The following ARHGAP24 variants were observed in gnomAD, a reference collection of about 807,000 sequenced individuals.
ARHGAP24 encodes the protein rho GTPase-activating protein 24.
In ARHGAP24, 50 loss-of-function variants were observed where a neutral mutation model predicts 76.4. That is an observed-to-expected ratio of 0.65 (90% CI 0.52 to 0.83). The LOEUF is 0.83. Among genes scored for constraint, ARHGAP24 ranks in the 40% least tolerant of loss-of-function variants. The pLI is 0.00. For missense variants in ARHGAP24, 930 were observed against 914.2 expected (o/e 1.02, Z -0.22); for synonymous variants, 345 against 323.3 (o/e 1.07, Z -0.72).
chr4:85,496,425 G>A (rs886353379), intron 1 of ARHGAP24, among the ~76,000 whole-genome samples: 1 of 152,234 alleles, frequency 6.6e-6, no homozygotes, highest in African/African-American at 2.4e-5. Context: ...CCTTGCTATG[G>A]TGGGAATGTT....
chr4:85,500,790 A>G (rs1182456346), intron 1 of ARHGAP24, among the ~76,000 whole-genome samples: 1 of 152,202 alleles, frequency 6.6e-6, no homozygotes, highest in East Asian at 1.9e-4. Context: ...ATAGGTATAC[A>G]TGTGCCATGT....
At chr4:85,607,344 G>C in intron 2 of ARHGAP24, among the ~76,000 whole-genome samples, 1 of 150,256 alleles carries the variant, frequency 6.7e-6, no homozygotes, top group East Asian at 2.0e-4. Flanking sequence ...TCGTCAAAAA[G>C]AAAGAAAGAG....
At chr4:85,872,210 T>G (rs1235725702) in intron 3 of ARHGAP24, among the ~76,000 whole-genome samples, 1 of 152,062 alleles carries the variant, frequency 6.6e-6, no homozygotes, top group East Asian at 1.9e-4. Context: ...TGAATTTCAT[T>G]AAGTCTTATA....
chr4:85,497,178 T>C (rs1391427316), intron 1 of ARHGAP24, among the ~76,000 whole-genome samples: 2 of 152,198 alleles, frequency 1.3e-5, no homozygotes, highest in South Asian at 2.1e-4. Context: ...ACTGAGCTTA[T>C]TAGTCACAGA....
chr4:85,561,785 C>T (rs1314465068), intron 1 of ARHGAP24, among the ~76,000 whole-genome samples: 1 of 152,140 alleles, frequency 6.6e-6, no homozygotes, highest in Non-Finnish European at 1.5e-5. Context: ...GCTACCTCTG[C>T]TCAATACACT....
intron 3 of ARHGAP24, among the ~76,000 whole-genome samples, chr4:85,794,568 C>T (rs1283335243): frequency 1.3e-5 from 2 of 152,124 alleles, no homozygotes; most frequent in Admixed American, 6.5e-5. Flanking sequence ...CTGCAACCTC[C>T]GCTTCCTGGG....
chr4:85,975,995 G>A (rs142810229), intron 7 of ARHGAP24, among the ~76,000 whole-genome samples: 6 of 152,248 alleles, frequency 3.9e-5, no homozygotes, highest in African/African-American at 2.4e-5. Context: ...TCATGCCATT[G>A]ACACCTTAGA....
intron 3 of ARHGAP24, among the ~76,000 whole-genome samples, chr4:85,740,163 G>C (rs1398868797): frequency 6.6e-6 from 1 of 150,628 alleles, no homozygotes; most frequent in African/African-American, 2.4e-5. Flanking sequence ...TCTCAGAGGA[G>C]AACTTCTATT....
chr4:85,990,320 ATT>A (rs1230683369), intron 8 of ARHGAP24: 1 of 151,822 alleles, frequency 6.6e-6, no homozygotes, highest in East Asian at 1.9e-4. Flanking sequence ...CTGCTCATGT[ATT>A]AGAATACTCA....
intron 3 of ARHGAP24, among the ~76,000 whole-genome samples, chr4:85,821,084 T>C (rs1729448900): frequency 6.6e-6 from 1 of 152,000 alleles, no homozygotes; most frequent in African/African-American, 2.4e-5. Context: ...AAATAAAAAA[T>C]GTATATGTGT....
intron 7 of ARHGAP24, 104 bp from the exon 8 acceptor site, chr4:85,977,466 A>C: frequency 7.6e-7 from 1 of 1,311,588 alleles, no homozygotes; most frequent in Non-Finnish European, 1.1e-6. Flanking sequence ...CTCCATAGTC[A>C]TCTTTGAACA....
intron 1 of ARHGAP24, among the ~76,000 whole-genome samples, chr4:85,545,497 T>C (rs1462406823): frequency 6.6e-6 from 1 of 152,228 alleles, no homozygotes; most frequent in Non-Finnish European, 1.5e-5. Context: ...TCTTTCCCCT[T>C]GGGCTGAGAC....
At chr4:85,747,130 G>GGA (rs1373045914) in intron 3 of ARHGAP24, among the ~76,000 whole-genome samples, 2 of 152,056 alleles carry the variant, frequency 1.3e-5, no homozygotes, top group African/African-American at 4.8e-5. Flanking sequence ...CTACTTTTCA[G>GGA]GAAATGCCTG....
intron 2 of ARHGAP24, among the ~76,000 whole-genome samples, chr4:85,648,053 C>T (rs1209807105): frequency 6.6e-6 from 1 of 152,088 alleles, no homozygotes; most frequent in Non-Finnish European, 1.5e-5. Context: ...CTAAGTAAGT[C>T]AGCTAATAAA....
intron 1 of ARHGAP24, among the ~76,000 whole-genome samples, chr4:85,516,276 C>A (rs1724496481): frequency 6.6e-6 from 1 of 152,192 alleles, no homozygotes; most frequent in Non-Finnish European, 1.5e-5. Context: ...TGGCCACCTG[C>A]ATCCCTGAAC....
At chr4:85,899,857 G>A (rs576906088) in intron 3 of ARHGAP24, among the ~76,000 whole-genome samples, 16 of 152,280 alleles carry the variant, frequency 1.1e-4, no homozygotes, top group African/African-American at 3.8e-4. Context: ...AAACCAGCCT[G>A]GGCAATGTAG....
chr4:85,486,962 A>C (rs186630660), intron 1 of ARHGAP24, among the ~76,000 whole-genome samples: 1 of 151,808 alleles, frequency 6.6e-6, no homozygotes, highest in East Asian at 1.9e-4. Flanking sequence ...GGTCAGGCTA[A>C]GGATAAAGCT....
intron 3 of ARHGAP24, among the ~76,000 whole-genome samples, chr4:85,876,796 A>G (rs530401988): frequency 3.3e-5 from 5 of 152,206 alleles, no homozygotes; most frequent in Non-Finnish European, 7.3e-5. Flanking sequence ...ATCAACCAGC[A>G]TGTAAGGCCT....
At chr4:85,548,953 A>G (rs912081618) in intron 1 of ARHGAP24, among the ~76,000 whole-genome samples, 31 of 152,106 alleles carry the variant, frequency 2.0e-4, no homozygotes, top group Non-Finnish European at 3.2e-4. Flanking sequence ...CACTCATTAT[A>G]ATGACTGCTG....
Sources: allele counts gnomAD v4.1 joint callset (sites outside exome capture counted in the v4.1 genomes callset), GRCh38; gene constraint gnomAD v4.1.1; transcripts MANE v1.5; gene names NCBI Gene and HGNC (gene_info 2026-07-23, HGNC 2026-07-21).